C8B: variants seen among roughly 807,000 people sequenced by gnomAD.
C8B encodes the protein complement C8 beta chain.
C8B carries 67 observed loss-of-function variants against 64.6 expected under a neutral mutation model. The observed-to-expected ratio is 1.04, with a 90% confidence interval of 0.85 to 1.27. The LOEUF (loss-of-function observed/expected upper bound fraction) is 1.27. C8B is among the 50% of genes most tolerant of loss of function. The pLI, the probability that C8B is intolerant of heterozygous loss-of-function variation, is 0.00. For synonymous variants in C8B, 284 were observed against 257.7 expected, an observed-to-expected ratio of 1.10 and a Z score of -0.98; for missense variants, 790 against 725.2, an observed-to-expected ratio of 1.09 and a Z score of -1.03.
At chr1:56,941,735 T>C (rs1644867550) in intron 8 of C8B, among the ~76,000 whole-genome samples, 1 of 152,218 alleles carries the variant, frequency 6.6e-6, no homozygotes, top group African/African-American at 2.4e-5. Context: ...AGCTAGTAGC[T>C]GATAAAGATA....
intron 2 of C8B, chr1:56,959,571 C>T: frequency 6.5e-7 from 1 of 1,535,136 alleles, no homozygotes; most frequent in South Asian, 1.2e-5. Context: ...GAGTGAAGGC[C>T]AGAGTCATAC....
chr1:56,939,342 G>C (rs980856180), intron 9 of C8B, among the ~76,000 whole-genome samples: 1 of 152,212 alleles, frequency 6.6e-6, no homozygotes, highest in Non-Finnish European at 1.5e-5. Context: ...TGTACCCTAA[G>C]TGCCACTGTT....
At chr1:56,960,265 T>C in intron 1 of C8B, 89 bp from the exon 2 acceptor site, 1 of 1,253,354 alleles carries the variant, frequency 8.0e-7, no homozygotes, top group Non-Finnish European at 1.2e-6. Flanking sequence ...AATAAATATA[T>C]ATTTGCTCAC....
rs573754195 is a variant in C8B, at chr1:56,959,800, T to C, written c.249+220A>G. On this transcript the variant is annotated intron_variant, in intron 2 of 11. Coordinates refer to ENST00000371237, the MANE Select transcript of C8B (RefSeq NM_000066.4). ...GCAGAGAGTCTAATTAGGAAGCTAG[T>C]AGAGTGAGAAAGGCTGGGTGTGCTT... 62 of 732,786 alleles carry C rather than the reference T, an allele frequency of 8.5e-5. No individual in the cohort carries two copies. In the African/African-American group the frequency reaches 9.5e-4, roughly 11 times the overall value. The allele number at this position is 732,786 out of a possible 1,614,324, so 45.4% of individuals were successfully genotyped here.
At chr1:56,943,605 G>T in intron 8 of C8B, 91 bp downstream of exon 8, 1 of 1,483,482 alleles carries the variant, frequency 6.7e-7, no homozygotes, top group South Asian at 1.1e-5. Context: ...GATAGTATTT[G>T]TCTCAAAAAG....
At chr1:56,955,273 G>A (rs1482102838) in intron 3 of C8B, among the ~76,000 whole-genome samples, 1 of 152,206 alleles carries the variant, frequency 6.6e-6, no homozygotes, top group Non-Finnish European at 1.5e-5. Context: ...TGCTGTGTAA[G>A]TGTTATCAGT....
chr1:56,965,394 A>AGTGTGTGT (rs1408495707), intron 1 of C8B, among the ~76,000 whole-genome samples: 1 of 87,578 alleles, frequency 1.1e-5, no homozygotes, highest in African/African-American at 4.1e-5. Flanking sequence ...AGAGAGAGAG[A>AGTGTGTGT]GAGAGTGTGT....
At chr1:56,945,051 T>C (rs1644921365) in intron 7 of C8B, among the ~76,000 whole-genome samples, 1 of 152,200 alleles carries the variant, frequency 6.6e-6, no homozygotes, top group South Asian at 2.1e-4. Context: ...ATCTGAGACC[T>C]TGCTATGTAA....
chr1:56,954,610 C>G, intron 4 of C8B, 76 bp downstream of exon 4: 1 of 1,569,114 alleles, frequency 6.4e-7, no homozygotes, highest in Non-Finnish European at 8.8e-7. Flanking sequence ...TATATCAGTT[C>G]TCTCATTCTC....
In C8B at chr1:56,948,569, T is replaced by C. The variant is rs376639169; in HGVS notation, c.864+986A>G. Among the ~76,000 whole-genome samples the C allele has an allele frequency of 1.2e-3, 190 of 152,194 alleles. 4 individuals are homozygous for C. The South Asian group carries it at 0.035, about 28-fold the overall frequency. ...AGTTTAACCAAGAGGTTAGAAGCAG[T>C]GATGAAGGCTCATAGCTTGTCCCTG... On this transcript the variant is annotated intron_variant, in intron 6 of 11. Transcript: ENST00000371237.
intron 9 of C8B, among the ~76,000 whole-genome samples, chr1:56,937,868 C>T (rs932191454): frequency 3.9e-5 from 6 of 152,162 alleles, no homozygotes; most frequent in Admixed American, 3.9e-4. Flanking sequence ...GACCATTTCA[C>T]TAGGTCACAA....
chr1:56,943,638 A>G (rs1644897171), intron 8 of C8B, 58 bp downstream of exon 8: 1 of 1,603,500 alleles, frequency 6.2e-7, no homozygotes, highest in Admixed American at 1.7e-5. Context: ...TGTAATCACC[A>G]GAGGCACTAG....
Position 56,933,375 on chromosome 1 carries a change from G to A in C8B, c.1512C>T (p.His504=). The part of the protein sequence containing the change: ...EEFQKEVSSC[H]CAPCQGNGVP... ...CTCCATTTCCTTGGCAGGGAGCACAGTGGCAGGAACTAACTTCCTTCTGGA... is the reference window on the plus strand; with the variant it reads ...CTCCATTTCCTTGGCAGGGAGCACAATGGCAGGAACTAACTTCCTTCTGGA... The change falls in exon 10 of 12, where the codon CAC becomes CAT. Residue 504 remains histidine (H), a synonymous_variant. Coordinates refer to ENST00000371237, the MANE Select transcript of C8B (RefSeq NM_000066.4). 1 of 1,613,784 alleles carries A rather than the reference G, an allele frequency of 6.2e-7. No homozygotes were observed. The highest frequency in any genetic ancestry group is 1.1e-5 in the South Asian group (1 of 91,072).
intron 9 of C8B, among the ~76,000 whole-genome samples, chr1:56,939,280 C>T (rs1644816671): frequency 1.3e-5 from 2 of 152,240 alleles, no homozygotes; most frequent in Non-Finnish European, 2.9e-5. Context: ...CCAGATTTCT[C>T]AGGAGCCCCT....
At position 56,960,085 on chromosome 1, in the gene C8B, G is replaced by A. The variant is rs1169407373; in HGVS notation, c.184C>T (p.Pro62Ser). ...QMRSVDVTLM[P>S]IDCELSSWSS... ...CAACTAGACAGCTCACAATCAATGG[G>A]CATCAGGGTAACATCCACACTCCGC... Residue 62 changes from proline to serine, a missense_variant, in exon 2 of 12, where the codon CCC becomes TCC. Physicochemically the swap from Pro to Ser is moderately conservative, Grantham distance 74 (BLOSUM62 -1). Transcript: ENST00000371237. 6.2e-7 allele frequency: 1 copy of A among 1,614,064 alleles called. No homozygotes were observed. The highest frequency in any genetic ancestry group is 8.5e-7 in the Non-Finnish European group (1 of 1,179,994).
intron 6 of C8B, among the ~76,000 whole-genome samples, chr1:56,947,620 T>C (rs1001438570): frequency 2.0e-5 from 3 of 152,186 alleles, no homozygotes; most frequent in Admixed American, 6.5e-5. Flanking sequence ...TGCCATGTTG[T>C]ATTACAACTG....
chr1:56,934,943 GCAGAGGAAAT>G (rs962565050), intron 9 of C8B, among the ~76,000 whole-genome samples: 1 of 152,188 alleles, frequency 6.6e-6, no homozygotes, highest in Non-Finnish European at 1.5e-5. Flanking sequence ...GCTGCAGGAG[GCAGAGGAAAT>G]CAGAGGACAA....
intron 4 of C8B, among the ~76,000 whole-genome samples, chr1:56,953,052 G>T (rs1645048912): frequency 6.6e-6 from 1 of 152,100 alleles, no homozygotes; most frequent in African/African-American, 2.4e-5. Context: ...CACAGCAGTG[G>T]GTAGCTACGT....
At chr1:56,954,624 C>G in intron 4 of C8B, 62 bp downstream of exon 4, 1 of 1,600,026 alleles carries the variant, frequency 6.2e-7, no homozygotes, top group South Asian at 1.1e-5. Flanking sequence ...CATTCTCTAT[C>G]CGCCAGAATT....
Sources: allele counts gnomAD v4.1 joint callset (sites outside exome capture counted in the v4.1 genomes callset), GRCh38; gene constraint gnomAD v4.1.1; transcripts MANE v1.5; gene names NCBI Gene and HGNC (gene_info 2026-07-23, HGNC 2026-07-21).